Variants in WNK1 observed in about 807,000 individuals in gnomAD.
WNK1 encodes WNK lysine deficient protein kinase 1.
A neutral mutation model predicts 222.8 loss-of-function variants in WNK1; 38 were observed. The ratio of observed to expected loss-of-function variants is 0.17; its 90% CI spans 0.13 to 0.22. The LOEUF (loss-of-function observed/expected upper bound fraction) is 0.22, where lower values mean the gene tolerates loss of function less well. Among genes scored for constraint, WNK1 ranks in the 10% least tolerant of loss-of-function variants. The pLI, the probability that WNK1 is intolerant of heterozygous loss-of-function variation, is 1.00. For synonymous variants in WNK1, 1,090 were observed against 1,092.9 expected (o/e 1.00, Z 0.05); for missense variants, 2,348 against 2,918.4 (o/e 0.80, Z 4.50).
chr12:848,495 A>AATTTTT (rs1950187201), intron 4 of WNK1, among the ~76,000 whole-genome samples: 1 of 42,836 alleles, frequency 2.3e-5, no homozygotes, highest in African/African-American at 7.6e-5. Flanking sequence ...GCCAGTAAAA[A>AATTTTT]CTTTTTTTTT....
In WNK1 at chr12:885,677, G is replaced by T; in HGVS notation, c.4873G>T (p.Ala1625Ser). Residue 1625 changes from alanine (A) to serine (S), a missense_variant, in exon 19 of 28, where the codon GCT (alanine) becomes TCT (serine). This residue lies in a region of WNK1 where 1,144 missense variants were observed against 1,273.6 expected (regional missense o/e 0.90). Transcript: ENST00000315939. ...ACTAATTCATAGTCAGCCTCAACCA[G>T]CTTTGCTTCCCAACCAGCCCCATAC... is the stretch of plus-strand genomic sequence containing the variant. Reference protein sequence around the residue: ...QTLIHSQPQPALLPNQPHTHC... With the variant: ...QTLIHSQPQPSLLPNQPHTHC... 1 of 1,614,112 alleles carries T rather than the reference G, an allele frequency of 6.2e-7. No individual in the cohort carries two copies. Among genetic ancestry groups the T allele is most frequent in the Non-Finnish European group, 8.5e-7 (1 of 1,180,026 alleles).
intron 4 of WNK1, among the ~76,000 whole-genome samples, chr12:842,362 C>T (rs1949691489): frequency 6.6e-6 from 1 of 152,114 alleles, no homozygotes. Flanking sequence ...AAGCAGAAAA[C>T]AATAATAGGT....
chr12:771,185 G>T (rs1269678100), intron 1 of WNK1, among the ~76,000 whole-genome samples: 3 of 151,782 alleles, frequency 2.0e-5, no homozygotes, highest in African/African-American at 7.3e-5. Context: ...TTTTAGTAGA[G>T]ATGGGGTTTC....
At chr12:852,687 C>A (rs1293896711) in intron 4 of WNK1, among the ~76,000 whole-genome samples, 1 of 152,110 alleles carries the variant, frequency 6.6e-6, no homozygotes, top group African/African-American at 2.4e-5. Context: ...TGCTTAAAAT[C>A]GTGTTTAAGA....
chr12:901,415 C>A (rs1049383718), intron 26 of WNK1: 12 of 369,404 alleles, frequency 3.2e-5, no homozygotes, highest in African/African-American at 2.3e-4. Flanking sequence ...TCATCTCTTA[C>A]ATATCTGACC....
intron 1 of WNK1, among the ~76,000 whole-genome samples, chr12:794,431 A>AAATTTCTT (rs2153984303): frequency 6.6e-6 from 1 of 151,926 alleles, no homozygotes; most frequent in Non-Finnish European, 1.5e-5. Context: ...GGTTAAGCAT[A>AAATTTCTT]ATGTTAGCTG....
intron 9 of WNK1, among the ~76,000 whole-genome samples, chr12:877,407 G>T (rs1395529982): frequency 1.3e-5 from 2 of 152,078 alleles, no homozygotes; most frequent in Non-Finnish European, 2.9e-5. Flanking sequence ...TACTCTAGGG[G>T]TCATAGTCCT....
rs1476577247 is a variant in WNK1 at position 752,691 on chromosome 12, T to C, written c.-875T>C. 6.6e-6 allele frequency: 1 copy of C among 152,374 alleles called. No homozygotes were observed. Among genetic ancestry groups the C allele is most frequent in the African/African-American group, 2.4e-5 (1 of 41,434 alleles). The allele number at this position is 152,374 out of a possible 1,614,324, so 9.4% of individuals were successfully genotyped here. A position where few individuals can be genotyped will look rare whatever the true frequency, so the allele number is the denominator to read the frequency against. ...GAAGGCGCCTGGTGGGGGTGGCTGC[T>C]CTTTTCTCTCCCTGTTCCCCCTCAC... On this transcript the variant is annotated 5_prime_UTR_variant, in exon 1 of 28. Coordinates refer to ENST00000315939, the MANE Select transcript of WNK1 (RefSeq NM_018979.4).
rs1939417149 is a variant in WNK1, at chr12:752,901, CAGGCGCCG to C, written c.-660_-653del. On this transcript the variant is annotated 5_prime_UTR_variant, in exon 1 of 28. Coordinates refer to ENST00000315939, the MANE Select transcript of WNK1 (RefSeq NM_018979.4). ...CTCGGGGAAGGGGGGGCCCGCTCCT[CAGGCGCCG>C]AGGCTCCGAGGCTCCGGCCCTTCGC... 1.3e-5 allele frequency: 2 copies of C among 152,294 alleles called. No homozygotes were observed. Among genetic ancestry groups the C allele is most frequent in the African/African-American group, 4.8e-5 (2 of 41,558 alleles). The allele number at this position is 152,294 out of a possible 1,614,324, so 9.4% of individuals were successfully genotyped here.
chr12:840,198 G>T (rs1949516259), intron 4 of WNK1, among the ~76,000 whole-genome samples: 1 of 151,946 alleles, frequency 6.6e-6, no homozygotes, highest in South Asian at 2.1e-4. Flanking sequence ...TACAATCATA[G>T]CTCTCTGTAG....
chr12:841,329 T>C (rs1949609873), intron 4 of WNK1, among the ~76,000 whole-genome samples: 1 of 152,180 alleles, frequency 6.6e-6, no homozygotes, highest in Admixed American at 6.5e-5. Flanking sequence ...GATTTTCCTA[T>C]TCTAGGTATT....
At chr12:908,215 T>C in intron 27 of WNK1, 181 bp downstream of exon 27, 1 of 875,190 alleles carries the variant, frequency 1.1e-6, no homozygotes, top group Non-Finnish European at 1.8e-6. Flanking sequence ...TCCTAACCTC[T>C]TGTTGGTCAG....
intron 4 of WNK1, among the ~76,000 whole-genome samples, chr12:844,926 C>G (rs1474214745): frequency 8.2e-6 from 1 of 121,432 alleles, no homozygotes; most frequent in Non-Finnish European, 1.6e-5. Context: ...GACGGAGTCT[C>G]GCTCTGTCAC....
chr12:767,802 C>T lies in WNK1; in HGVS notation c.759+13478C>T, dbSNP rs537831974. On this transcript the variant is annotated intron_variant, in intron 1 of 27. Transcript: ENST00000315939. ...AGTTGTTTACCAGAAGAGTTTTTGG[C>T]TTTTTCTGCATACTTCTACACACCT... Among the ~76,000 whole-genome samples the T allele has an allele frequency of 9.2e-5, 14 of 152,198 alleles. 1 individual carries two copies. The highest frequency in any genetic ancestry group is 3.1e-4 in the African/African-American group (13 of 41,538).
chr12:903,941 G>GTA (rs756508070), intron 26 of WNK1, among the ~76,000 whole-genome samples: 2 of 152,192 alleles, frequency 1.3e-5, no homozygotes, highest in African/African-American at 4.8e-5. Context: ...GAAGGGGTTA[G>GTA]TATATATATG....
chr12:887,098 C>A, intron 19 of WNK1, 123 bp from the exon 20 acceptor site: 1 of 899,814 alleles, frequency 1.1e-6, no homozygotes, highest in Non-Finnish European at 1.8e-6. Flanking sequence ...CAGTGATAAA[C>A]ATGTCTTAAC....
chr12:832,469 A>G (rs1040142518), intron 4 of WNK1, among the ~76,000 whole-genome samples: 4 of 152,226 alleles, frequency 2.6e-5, no homozygotes, highest in South Asian at 2.1e-4. Context: ...AAGATTAATT[A>G]TAATTATTTA....
chr12:859,682 A>AT (rs1247959155), intron 6 of WNK1, among the ~76,000 whole-genome samples: 1 of 143,514 alleles, frequency 7.0e-6, no homozygotes, highest in Non-Finnish European at 1.5e-5. Context: ...TGGGTGTTAG[A>AT]TTTTATAGTC....
At chr12:881,822 G>A (rs1223388227) in intron 13 of WNK1, 33 bp downstream of exon 13, 1 of 1,613,258 alleles carries the variant, frequency 6.2e-7, no homozygotes, top group African/African-American at 1.3e-5. Context: ...TTCCTTGACT[G>A]GTAAATAAGA....
Sources: allele counts gnomAD v4.1 joint callset (sites outside exome capture counted in the v4.1 genomes callset), GRCh38; gene constraint gnomAD v4.1.1; regional missense constraint gnomAD v4.1.1; transcripts MANE v1.5; gene names NCBI Gene and HGNC (gene_info 2026-07-23, HGNC 2026-07-21).